RABGAP1: variants seen among roughly 807,000 people sequenced by gnomAD.
RABGAP1 encodes RAB GTPase activating protein 1.
Under a neutral mutation model 137.6 loss-of-function variants are expected in RABGAP1, and 23 were observed. That is an observed-to-expected ratio of 0.17 (90% CI 0.12 to 0.24). RABGAP1 has a LOEUF of 0.24. Ranked by LOEUF, RABGAP1 falls within the 10% of genes least tolerant of loss-of-function variation. The pLI, the probability that RABGAP1 is intolerant of heterozygous loss-of-function variation, is 1.00. For missense variants in RABGAP1, 906 were observed against 1,275.8 expected (o/e 0.71, Z 4.42); for synonymous variants, 451 against 450.7 (o/e 1.00, Z -0.01).
intron 21 of RABGAP1, among the ~76,000 whole-genome samples, chr9:123,092,205 G>A (rs963024344): frequency 3.9e-5 from 6 of 152,158 alleles, no homozygotes; most frequent in South Asian, 4.1e-4. Flanking sequence ...CTAGTGAGTC[G>A]TAGACTACTT....
chr9:123,034,363 C>G, intron 13 of RABGAP1: 1 of 572,178 alleles, frequency 1.7e-6, no homozygotes, highest in South Asian at 2.5e-5. Flanking sequence ...CTGCTGCTGG[C>G]TCTCCTTATT....
chr9:122,974,939 A>T (rs1241158692), intron 2 of RABGAP1, among the ~76,000 whole-genome samples: 1 of 152,220 alleles, frequency 6.6e-6, no homozygotes, highest in East Asian at 1.9e-4. Flanking sequence ...CAGGTTTGAG[A>T]TTAGTAACTA....
rs151226317 is a variant in RABGAP1, at chr9:122,986,249, C to G, written c.420C>G (p.Ala140=). ...CTTCAAGTCCTTTCACACCAGTGGC[C>G]GATGAGGACAGCGTAGTTTTCAGTA... is the stretch of plus-strand genomic sequence containing the variant. ...SEASSPFTPV[A]DEDSVVFSKL... Residue 140 remains alanine (A), a synonymous_variant, in exon 4 of 26, where the codon GCC becomes GCG. Coordinates refer to ENST00000373647, the MANE Select transcript of RABGAP1 (RefSeq NM_012197.4). 3.7e-5 allele frequency: 60 copies of G among 1,614,110 alleles called. No homozygotes were observed. The South Asian group carries it at 5.3e-4, about 14-fold the overall frequency.
chr9:122,996,939 TATTC>T, intron 8 of RABGAP1: 1 of 518,206 alleles, frequency 1.9e-6, no homozygotes. Context: ...TTATTAGTAT[TATTC>T]CCATTATCTG....
chr9:122,995,435 C>T (rs548330409), intron 6 of RABGAP1, among the ~76,000 whole-genome samples: 1 of 152,110 alleles, frequency 6.6e-6, no homozygotes, highest in Admixed American at 6.5e-5. Flanking sequence ...TTTTTGAGTT[C>T]TGTATGTCAG....
At chr9:123,024,607 T>G (rs2031847563) in intron 13 of RABGAP1, among the ~76,000 whole-genome samples, 1 of 151,984 alleles carries the variant, frequency 6.6e-6, no homozygotes, top group African/African-American at 2.4e-5. Flanking sequence ...GCCTGGCTAA[T>G]TTTTGTATTT....
At chr9:122,959,157 G>T (rs1229905049) in intron 2 of RABGAP1, among the ~76,000 whole-genome samples, 1 of 152,138 alleles carries the variant, frequency 6.6e-6, no homozygotes, top group Non-Finnish European at 1.5e-5. Context: ...AGGCCCAAAT[G>T]AAGTGAGGAG....
intron 10 of RABGAP1, among the ~76,000 whole-genome samples, chr9:123,007,373 C>CTTTTT: frequency 8.9e-6 from 1 of 112,764 alleles, no homozygotes; most frequent in Non-Finnish European, 1.8e-5. Flanking sequence ...CTGAGCCTGG[C>CTTTTT]TTTTTTTTTT....
chr9:123,009,312 C>T (rs1046914213), intron 10 of RABGAP1, among the ~76,000 whole-genome samples: 1 of 152,244 alleles, frequency 6.6e-6, no homozygotes, highest in African/African-American at 2.4e-5. Flanking sequence ...CATGTTGCCA[C>T]TATCGTGGCC....
chr9:122,999,674 C>G (rs1837222288), intron 10 of RABGAP1, among the ~76,000 whole-genome samples: 1 of 150,654 alleles, frequency 6.6e-6, no homozygotes, highest in African/African-American at 2.4e-5. Context: ...TGTTGGGGTT[C>G]TTGCGTTTTT....
intron 19 of RABGAP1, among the ~76,000 whole-genome samples, chr9:123,086,113 A>G (rs1265560425): frequency 6.6e-6 from 1 of 152,180 alleles, no homozygotes; most frequent in African/African-American, 2.4e-5. Flanking sequence ...ATGCTATGAG[A>G]ATAGTTACAT....
At position 122,996,502 on chromosome 9, in the gene RABGAP1, C is replaced by T. The variant is rs757101597; in HGVS notation, c.1035-37C>T. The T allele has an allele frequency of 1.3e-5, 20 of 1,551,154 alleles. No homozygotes were observed. The Admixed American group carries it at 1.6e-4, about 12-fold the overall frequency. On this transcript the variant is annotated intron_variant, in intron 7 of 25. Coordinates refer to ENST00000373647, the MANE Select transcript of RABGAP1 (RefSeq NM_012197.4). ...TAATTTAAACGTTCTTTTGTGTTAT[C>T]TTTTTTCTTAAATTTATGTCAGTTC...
At chr9:123,021,347 T>C (rs1005804421) in intron 13 of RABGAP1, among the ~76,000 whole-genome samples, 2 of 150,184 alleles carry the variant, frequency 1.3e-5, no homozygotes, top group Non-Finnish European at 3.0e-5. Context: ...TTTTTTTTTT[T>C]TTGAAATAGA....
intron 13 of RABGAP1, among the ~76,000 whole-genome samples, chr9:123,022,422 G>T (rs529522392): frequency 6.6e-6 from 1 of 152,082 alleles, no homozygotes; most frequent in African/African-American, 2.4e-5. Context: ...TTCTTTTTGA[G>T]ACGGAGTCTA....
At chr9:123,069,983 G>T (rs572871468) in intron 14 of RABGAP1, among the ~76,000 whole-genome samples, 2 of 152,212 alleles carry the variant, frequency 1.3e-5, no homozygotes, top group Non-Finnish European at 2.9e-5. Flanking sequence ...CATTCTGGGG[G>T]AATTGAAATA....
chr9:122,996,655 G>C, intron 8 of RABGAP1, 50 bp downstream of exon 8: 1 of 1,452,446 alleles, frequency 6.9e-7, no homozygotes, highest in South Asian at 1.2e-5. Flanking sequence ...CTCAGTAAAG[G>C]TTGTTTCACT....
intron 19 of RABGAP1, among the ~76,000 whole-genome samples, chr9:123,080,420 A>G (rs1444943449): frequency 6.6e-6 from 1 of 152,224 alleles, no homozygotes; most frequent in Admixed American, 6.5e-5. Context: ...ACCAGAACAT[A>G]AGAGAATGGG....
chr9:123,093,631 G>GGGTTCAA (rs2132225163), intron 21 of RABGAP1, among the ~76,000 whole-genome samples: 1 of 152,304 alleles, frequency 6.6e-6, no homozygotes, highest in South Asian at 2.1e-4. Flanking sequence ...CTAAATTGGC[G>GGGTTCAA]GGTTCACTTC....
chr9:122,996,340 C>T, intron 7 of RABGAP1, 189 bp downstream of exon 7: 1 of 1,195,162 alleles, frequency 8.4e-7, no homozygotes, highest in South Asian at 1.7e-5. Flanking sequence ...AATACGCTCT[C>T]TTCAACTATG....
Sources: allele counts gnomAD v4.1 joint callset (sites outside exome capture counted in the v4.1 genomes callset), GRCh38; gene constraint gnomAD v4.1.1; transcripts MANE v1.5; gene names NCBI Gene and HGNC (gene_info 2026-07-23, HGNC 2026-07-21).